GRID1: variants seen among roughly 807,000 people sequenced by gnomAD.
GRID1 encodes the protein glutamate receptor ionotropic, delta-1.
Under a neutral mutation model 98.0 loss-of-function variants are expected in GRID1, and 28 were observed. The observed-to-expected ratio is 0.29, with a 90% CI of 0.21 to 0.39. The LOEUF (loss-of-function observed/expected upper bound fraction) is 0.39. GRID1 is among the 10% of genes least tolerant of loss of function. GRID1 has a pLI of 1.00. For synonymous variants in GRID1, 553 were observed against 538.5 expected, an observed-to-expected ratio of 1.03 and a Z score of -0.37; for missense variants, 1,111 against 1,340.5, an observed-to-expected ratio of 0.83 and a Z score of 2.67.
rs146086294 is a variant in GRID1 at position 86,218,569 on chromosome 10, G to A, written c.236-11921C>T. On this transcript the variant is annotated intron_variant, in intron 2 of 15. Coordinates refer to ENST00000327946, the MANE Select transcript of GRID1 (RefSeq NM_017551.3). Reference sequence around the variant, plus strand: ...CAACCTCCAGGCTTCAGGATATAGCGCAGGGTCTGGAGGCTATGCTGTGTC... The same window carrying A: ...CAACCTCCAGGCTTCAGGATATAGCACAGGGTCTGGAGGCTATGCTGTGTC... Among the ~76,000 whole-genome samples the A allele has an allele frequency of 3.6e-3, 547 of 152,272 alleles. 6 individuals are homozygous for A. Among genetic ancestry groups the A allele is most frequent in the African/African-American group, 0.012 (510 of 41,560 alleles).
intron 8 of GRID1, among the ~76,000 whole-genome samples, chr10:85,822,458 C>A (rs1842781655): frequency 1.3e-5 from 2 of 152,130 alleles, no homozygotes; most frequent in South Asian, 4.1e-4. Context: ...CACTGGCCAT[C>A]AGAGAAATGC....
Position 86,355,012 on chromosome 10 carries a change from C to A in GRID1, c.235+8929G>T, listed in dbSNP as rs1254045522. On this transcript the variant is annotated intron_variant, in intron 2 of 15. Coordinates refer to ENST00000327946, the MANE Select transcript of GRID1 (RefSeq NM_017551.3). Reference sequence around the variant, plus strand: ...CCTGCTCACACTGCCCAGCCCAGAACAGGAAGTGAGAGGAGGACAAGTCTC... The same window carrying A: ...CCTGCTCACACTGCCCAGCCCAGAAAAGGAAGTGAGAGGAGGACAAGTCTC... Among the ~76,000 whole-genome samples, 3 of 152,208 alleles carry A rather than the reference C, an allele frequency of 2.0e-5. No individual in the cohort carries two copies. In the East Asian group the frequency reaches 5.8e-4, roughly 29 times the overall value.
intron 8 of GRID1, among the ~76,000 whole-genome samples, chr10:85,800,427 T>C (rs1045845967): frequency 2.6e-5 from 4 of 151,944 alleles, no homozygotes; most frequent in South Asian, 4.1e-4. Flanking sequence ...TATTGTTACA[T>C]AGAGAAAAAT....
At chr10:85,971,342 AT>A (rs1448995826) in intron 4 of GRID1, among the ~76,000 whole-genome samples, 1 of 152,108 alleles carries the variant, frequency 6.6e-6, no homozygotes. Flanking sequence ...ATCATACTTT[AT>A]TAAAAAGTAA....
chr10:86,249,050 G>T (rs970434278), intron 2 of GRID1, among the ~76,000 whole-genome samples: 1 of 151,622 alleles, frequency 6.6e-6, no homozygotes, highest in African/African-American at 2.4e-5. Context: ...CTGCCAGGGG[G>T]CCGAGATCAG....
At chr10:86,329,491 C>A (rs1220120547) in intron 2 of GRID1, among the ~76,000 whole-genome samples, 1 of 152,208 alleles carries the variant, frequency 6.6e-6, no homozygotes, top group Non-Finnish European at 1.5e-5. Flanking sequence ...AGGGCTTTGG[C>A]AAGGAGCCCC....
rs993805864 is a variant in GRID1 at position 85,886,237 on chromosome 10, T to A, written c.781-17057A>T. Among the ~76,000 whole-genome samples, 3 of 152,242 alleles carry A rather than the reference T, an allele frequency of 2.0e-5. No homozygotes were observed. The East Asian group carries it at 5.8e-4, about 29-fold the overall frequency. ...GAGACAGCACCTTTCTGCCTCTGGA[T>A]GTTTGAGTCCTGAGCAGAGTCCACT... On this transcript the variant is annotated intron_variant, in intron 5 of 15. Coordinates refer to ENST00000327946, the MANE Select transcript of GRID1 (RefSeq NM_017551.3).
chr10:86,007,533 T>C (rs1402010264), intron 4 of GRID1, among the ~76,000 whole-genome samples: 5 of 152,242 alleles, frequency 3.3e-5, no homozygotes, highest in Non-Finnish European at 5.9e-5. Context: ...GTACTGCACA[T>C]GTGCCAAAGC....
intron 12 of GRID1, among the ~76,000 whole-genome samples, chr10:85,680,395 C>T (rs1224987037): frequency 6.6e-6 from 1 of 152,192 alleles, no homozygotes; most frequent in Non-Finnish European, 1.5e-5. Context: ...TCCCAAAGTG[C>T]CACATGATCA....
intron 5 of GRID1, among the ~76,000 whole-genome samples, chr10:85,882,516 G>A (rs1482981397): frequency 2.0e-5 from 3 of 151,832 alleles, no homozygotes; most frequent in Non-Finnish European, 2.9e-5. Flanking sequence ...GCAAACTATC[G>A]CAAGGACAAA....
At chr10:86,194,176 G>T (rs772279303) in intron 3 of GRID1, among the ~76,000 whole-genome samples, 1 of 151,976 alleles carries the variant, frequency 6.6e-6, no homozygotes. Flanking sequence ...CAGCCCAGCC[G>T]CTCTGCTTTC....
intron 4 of GRID1, among the ~76,000 whole-genome samples, chr10:85,970,385 G>A (rs1438023677): frequency 6.6e-6 from 1 of 151,930 alleles, no homozygotes; most frequent in Non-Finnish European, 1.5e-5. Flanking sequence ...CTACAGACCA[G>A]TAACCTTTAT....
At chr10:86,180,467 T>C (rs1845639524) in intron 3 of GRID1, among the ~76,000 whole-genome samples, 1 of 152,070 alleles carries the variant, frequency 6.6e-6, no homozygotes, top group Non-Finnish European at 1.5e-5. Flanking sequence ...TAATTAAAAC[T>C]GGTGGTCTGC....
chr10:86,235,248 A>G (rs1846519097), intron 2 of GRID1, among the ~76,000 whole-genome samples: 1 of 152,204 alleles, frequency 6.6e-6, no homozygotes, highest in African/African-American at 2.4e-5. Flanking sequence ...CAGAGGGCAG[A>G]GGTCTCTCAA....
At chr10:85,899,068 G>C (rs1481141217) in intron 5 of GRID1, among the ~76,000 whole-genome samples, 1 of 152,148 alleles carries the variant, frequency 6.6e-6, no homozygotes, top group African/African-American at 2.4e-5. Context: ...GAATTTCTCA[G>C]CTCCACTAAA....
chr10:85,934,128 A>T (rs1261132190), intron 4 of GRID1, among the ~76,000 whole-genome samples: 2 of 152,112 alleles, frequency 1.3e-5, no homozygotes, highest in African/African-American at 4.8e-5. Context: ...TAGTGCATGC[A>T]GTCTGTGGAT....
intron 4 of GRID1, among the ~76,000 whole-genome samples, chr10:85,998,454 A>G (rs1842766100): frequency 6.6e-6 from 1 of 152,200 alleles, no homozygotes; most frequent in Admixed American, 6.5e-5. Context: ...GGAAAACACA[A>G]CACTGCACAA....
intron 5 of GRID1, among the ~76,000 whole-genome samples, chr10:85,912,588 G>A (rs767529161): frequency 2.5e-4 from 38 of 152,238 alleles, no homozygotes; most frequent in Non-Finnish European, 5.0e-4. Context: ...GGAATGAGAG[G>A]GAGCTGGGGG....
At chr10:85,624,813 C>A (rs66747130) in intron 13 of GRID1, among the ~76,000 whole-genome samples, 26,181 of 151,968 alleles carry the variant, frequency 0.17, 2,714 homozygotes, top group African/African-American at 0.28. Context: ...TTGGGAATTT[C>A]ACCGAAAAAG....
Sources: gnomAD v4.1 joint callset for allele counts (sites outside exome capture counted in the v4.1 genomes callset) on GRCh38, gnomAD v4.1.1 for gene constraint, MANE v1.5 for transcripts, NCBI Gene and HGNC (gene_info 2026-07-23, HGNC 2026-07-21) for gene names.